The following ABLIM1 variants were observed in gnomAD, a reference collection of about 807,000 sequenced individuals.
The protein encoded by ABLIM1 is actin binding LIM protein 1, also known as actin-binding LIM protein 1.
In ABLIM1, 40 loss-of-function variants were observed where a neutral mutation model predicts 107.0. The observed-to-expected ratio is 0.37, with a 90% CI of 0.29 to 0.49. The LOEUF is 0.49. Ranked by LOEUF, ABLIM1 falls within the 20% of genes least tolerant of loss-of-function variation. ABLIM1 has a pLI of 0.97. For synonymous variants in ABLIM1, 357 were observed against 357.3 expected, an observed-to-expected ratio of 1.00 and a Z score of 0.01; for missense variants, 857 against 1,008.5, an observed-to-expected ratio of 0.85 and a Z score of 2.04.
At chr10:114,507,521 G>C (rs1387372385) in intron 6 of ABLIM1, among the ~76,000 whole-genome samples, 1 of 152,182 alleles carries the variant, frequency 6.6e-6, no homozygotes, top group African/African-American at 2.4e-5. Context: ...CTACATGCTG[G>C]GTGGGTGCCT....
At chr10:114,474,939 C>A (rs958255590) in intron 8 of ABLIM1, among the ~76,000 whole-genome samples, 1 of 152,154 alleles carries the variant, frequency 6.6e-6, no homozygotes, top group Non-Finnish European at 1.5e-5. Context: ...CCTGCCACCA[C>A]GTAAGACATG....
At chr10:114,613,587 G>T (rs2076951242) in intron 1 of ABLIM1, 1 of 976,744 alleles carries the variant, frequency 1.0e-6, no homozygotes, top group Non-Finnish European at 1.4e-6. Context: ...TCAGAAACAA[G>T]AATGTGAACC....
In ABLIM1 at chr10:114,486,034, T is replaced by C. The variant is rs529845908; in HGVS notation, c.1041+1924A>G. Among the ~76,000 whole-genome samples the C allele has an allele frequency of 5.3e-4, 81 of 152,278 alleles. 1 individual carries two copies. In the South Asian group the frequency reaches 0.016, roughly 30 times the overall value. On this transcript the variant is annotated intron_variant, in intron 8 of 22. Coordinates refer to ENST00000533213, the MANE Select transcript of ABLIM1 (RefSeq NM_002313.7). ...CAGAGCACTGTCCTGACCTCCCACG[T>C]AGTGAATGCTGGGTTTAGGAGAAGA...
In ABLIM1 at chr10:114,526,894, G is replaced by A. The variant is rs1590929107; in HGVS notation, c.894+18111C>T. The A allele has an allele frequency of 6.1e-6, 6 of 985,272 alleles. No individual in the cohort carries two copies. The South Asian group carries it at 2.8e-4, about 46-fold the overall frequency. The allele number at this position is 985,272 out of a possible 1,614,324, so 61.0% of individuals were successfully genotyped here. A position where few individuals can be genotyped will look rare whatever the true frequency, so the allele number is the denominator to read the frequency against. On this transcript the variant is annotated intron_variant, in intron 6 of 22. Transcript: ENST00000533213. ...TCCGGAAACCAGCCCCGTGTGCGGCGGGCAGGCACGCTCTCTCACGCCTCC... is the reference window on the plus strand; with the variant it reads ...TCCGGAAACCAGCCCCGTGTGCGGCAGGCAGGCACGCTCTCTCACGCCTCC...
At chr10:114,496,700 C>A (rs1184079420) in intron 6 of ABLIM1, among the ~76,000 whole-genome samples, 4 of 152,068 alleles carry the variant, frequency 2.6e-5, no homozygotes. Context: ...GCTAAAAAAC[C>A]TAACCCTAGC....
chr10:114,527,659 CTTTT>C (rs10639922), intron 6 of ABLIM1, among the ~76,000 whole-genome samples: 3 of 127,298 alleles, frequency 2.4e-5, no homozygotes, highest in Non-Finnish European at 3.2e-5. Context: ...CAACTCTTGT[CTTTT>C]TTTTTTTTTT....
At chr10:114,639,859 T>A (rs1294838911) in intron 1 of ABLIM1, among the ~76,000 whole-genome samples, 2 of 152,166 alleles carry the variant, frequency 1.3e-5, no homozygotes, top group African/African-American at 4.8e-5. Context: ...ACACAGAGTG[T>A]TTGCAACACC....
chr10:114,476,905 T>C (rs187764216), intron 8 of ABLIM1, among the ~76,000 whole-genome samples: 74 of 152,190 alleles, frequency 4.9e-4, no homozygotes, highest in Admixed American at 4.8e-3. Context: ...AACCCAAGAA[T>C]ATCGATGGCA....
intron 1 of ABLIM1, among the ~76,000 whole-genome samples, chr10:114,616,390 C>T (rs2077133962): frequency 1.3e-5 from 2 of 152,200 alleles, no homozygotes; most frequent in Admixed American, 1.3e-4. Context: ...GTTCCCGCAT[C>T]AAAGCATCAT....
chr10:114,790,578 A>C, the ABLIM1 span, among the ~76,000 whole-genome samples: 1 of 152,244 alleles, frequency 6.6e-6, no homozygotes, highest in Admixed American at 6.5e-5. Context: ...ATGGTAACAG[A>C]ACAGCATTAA....
At chr10:114,721,360 T>C (rs1209985035) in intron 1 of ABLIM1, among the ~76,000 whole-genome samples, 2 of 152,168 alleles carry the variant, frequency 1.3e-5, no homozygotes, top group Non-Finnish European at 2.9e-5. Context: ...CAGGACCCCA[T>C]TGAGCATGTA....
intron 1 of ABLIM1, among the ~76,000 whole-genome samples, chr10:114,650,706 G>A (rs544873870): frequency 9.9e-5 from 15 of 152,036 alleles, no homozygotes; most frequent in African/African-American, 2.7e-4. Flanking sequence ...CCTTTTACTC[G>A]TATTTTGGGT....
At chr10:114,725,680 C>A (rs1036905419) in intron 1 of ABLIM1, among the ~76,000 whole-genome samples, 1 of 151,082 alleles carries the variant, frequency 6.6e-6, no homozygotes, top group Non-Finnish European at 1.5e-5. Flanking sequence ...AAACTAATTG[C>A]GGTTTCTACC....
chr10:114,570,020 T>C (rs1235852031), intron 4 of ABLIM1, among the ~76,000 whole-genome samples: 1 of 152,222 alleles, frequency 6.6e-6, no homozygotes. Context: ...AATAGGAAGA[T>C]TTGGAATCAC....
At chr10:114,481,361 G>A (rs966540419) in intron 8 of ABLIM1, among the ~76,000 whole-genome samples, 1 of 150,690 alleles carries the variant, frequency 6.6e-6, no homozygotes. Flanking sequence ...ATGCTCTAAG[G>A]AGAGAAACTA....
At chr10:114,646,409 G>C (rs1417239201) in intron 1 of ABLIM1, among the ~76,000 whole-genome samples, 2 of 152,136 alleles carry the variant, frequency 1.3e-5, no homozygotes, top group East Asian at 3.8e-4. Flanking sequence ...CATTAATGAG[G>C]CTAACAATAT....
intron 6 of ABLIM1, among the ~76,000 whole-genome samples, chr10:114,503,210 G>A (rs151309802): frequency 1.2e-3 from 190 of 152,230 alleles, no homozygotes; most frequent in African/African-American, 4.1e-3. Context: ...CAGCAATTTG[G>A]GAGGCCGAGG....
intron 1 of ABLIM1, among the ~76,000 whole-genome samples, chr10:114,697,287 C>G (rs2081215401): frequency 6.6e-6 from 1 of 152,368 alleles, no homozygotes; most frequent in Admixed American, 6.5e-5. Context: ...ACTCATAAAA[C>G]AGTCTGAGTC....
chr10:114,671,103 T>C (rs1015238057), intron 1 of ABLIM1, among the ~76,000 whole-genome samples: 1 of 152,160 alleles, frequency 6.6e-6, no homozygotes, highest in African/African-American at 2.4e-5. Context: ...TGCATCCCCA[T>C]CCCTCCAGAT....
Sources: gnomAD v4.1 joint callset for allele counts (sites outside exome capture counted in the v4.1 genomes callset) on GRCh38, gnomAD v4.1.1 for gene constraint, MANE v1.5 for transcripts, NCBI Gene and HGNC (gene_info 2026-07-23, HGNC 2026-07-21) for gene names.